SH3GLB1: variants seen among roughly 807,000 people sequenced by gnomAD.
The protein encoded by SH3GLB1 is SH3 domain containing GRB2 like, endophilin B1.
SH3GLB1 carries 17 observed loss-of-function variants against 42.0 expected under a neutral mutation model. That is an observed-to-expected ratio of 0.40 (90% CI 0.28 to 0.61). SH3GLB1 has a LOEUF of 0.61. Ranked by LOEUF, SH3GLB1 falls within the 20% of genes least tolerant of loss-of-function variation. The pLI is 0.36. For missense variants in SH3GLB1, 355 were observed against 426.3 expected (o/e 0.83, Z 1.47); for synonymous variants, 132 against 146.6 (o/e 0.90, Z 0.72).
intron 3 of SH3GLB1, among the ~76,000 whole-genome samples, chr1:86,720,082 TA>T (rs748019604): frequency 3.3e-5 from 5 of 151,346 alleles, no homozygotes; most frequent in Non-Finnish European, 4.4e-5. Flanking sequence ...GTGAGAAATA[TA>T]GGCAAATATA....
chr1:86,730,169 G>A, intron 5 of SH3GLB1: 1 of 1,548,788 alleles, frequency 6.5e-7, no homozygotes, highest in South Asian at 1.2e-5. Context: ...CGTTGATTCA[G>A]TAAATATGTA....
At chr1:86,721,864 G>T (rs1289886888) in intron 3 of SH3GLB1, among the ~76,000 whole-genome samples, 4 of 152,054 alleles carry the variant, frequency 2.6e-5, no homozygotes, top group African/African-American at 9.7e-5. Flanking sequence ...AAATGGCATA[G>T]TGTTTGCATA....
In SH3GLB1 at chr1:86,745,260, G is replaced by A. The variant is rs191719770; in HGVS notation, c.*2025G>A. On this transcript the variant is annotated 3_prime_UTR_variant, in exon 9 of 9. Coordinates refer to ENST00000370558, the MANE Select transcript of SH3GLB1 (RefSeq NM_016009.5). ...GAGGACAATAATTATGACACCATAG[G>A]GTGGTTGTGAGGATTAGCAAATGTT... 19 of 152,304 alleles carry A rather than the reference G, an allele frequency of 1.2e-4. No individual in the cohort carries two copies. The highest frequency in any genetic ancestry group is 4.3e-4 in the African/African-American group (18 of 41,556). The allele number at this position is 152,304 out of a possible 1,614,324, so 9.4% of individuals were successfully genotyped here.
At position 86,730,886 on chromosome 1, in the gene SH3GLB1, G is replaced by T. The variant is rs117264929; in HGVS notation, c.571-3716G>T. Among the ~76,000 whole-genome samples, 97 of 152,302 alleles carry T rather than the reference G, an allele frequency of 6.4e-4. No individual in the cohort carries two copies. In the East Asian group the frequency reaches 0.013, roughly 20 times the overall value. ...CCAGTCACATTAGTTGAAAATATCTGTAAAAATGTATTTTACTGCTGCATT... is the reference window on the plus strand; with the variant it reads ...CCAGTCACATTAGTTGAAAATATCTTTAAAAATGTATTTTACTGCTGCATT... On this transcript the variant is annotated intron_variant, in intron 5 of 8. Transcript: ENST00000370558.
At chr1:86,720,081 A>G (rs1223124312) in intron 3 of SH3GLB1, among the ~76,000 whole-genome samples, 2 of 151,948 alleles carry the variant, frequency 1.3e-5, no homozygotes, top group Non-Finnish European at 2.9e-5. Flanking sequence ...AGTGAGAAAT[A>G]TAGGCAAATA....
chr1:86,734,742 T>A, intron 6 of SH3GLB1, 51 bp downstream of exon 6: 1 of 1,415,896 alleles, frequency 7.1e-7, no homozygotes, highest in Non-Finnish European at 9.8e-7. Flanking sequence ...TTGGTAGTCC[T>A]AAGGCAATTT....
At chr1:86,737,448 T>C (rs1655832370) in intron 7 of SH3GLB1, among the ~76,000 whole-genome samples, 1 of 152,194 alleles carries the variant, frequency 6.6e-6, no homozygotes, top group Non-Finnish European at 1.5e-5. Context: ...TTCATATAAA[T>C]AGAGCTTTTT....
At chr1:86,740,506 A>G (rs1656005776) in intron 7 of SH3GLB1, among the ~76,000 whole-genome samples, 2 of 152,266 alleles carry the variant, frequency 1.3e-5, no homozygotes, top group South Asian at 4.1e-4. Flanking sequence ...AGCATATCTA[A>G]GAGTTATTAT....
At chr1:86,714,420 T>C (rs1654393442) in intron 1 of SH3GLB1, among the ~76,000 whole-genome samples, 2 of 152,206 alleles carry the variant, frequency 1.3e-5, no homozygotes, top group African/African-American at 4.8e-5. Context: ...TTTTTGGTTC[T>C]ACCCACTAGG....
intron 7 of SH3GLB1, among the ~76,000 whole-genome samples, chr1:86,740,169 TC>T (rs1655989346): frequency 6.7e-6 from 1 of 149,342 alleles, no homozygotes; most frequent in African/African-American, 2.5e-5. Context: ...AAAAAGGAGT[TC>T]CTGATTGTTC....
chr1:86,712,066 A>G (rs1360936435), intron 1 of SH3GLB1, among the ~76,000 whole-genome samples: 4 of 152,138 alleles, frequency 2.6e-5, no homozygotes, highest in Non-Finnish European at 5.9e-5. Flanking sequence ...GCTTCCACCA[A>G]TGATAAAATT....
At chr1:86,719,823 G>T (rs572044246) in intron 3 of SH3GLB1, among the ~76,000 whole-genome samples, 188 bp downstream of exon 3, 1 of 151,506 alleles carries the variant, frequency 6.6e-6, no homozygotes, top group Admixed American at 6.6e-5. Flanking sequence ...GTGAAACCCC[G>T]TCTCTACTAA....
chr1:86,719,995 C>CAA (rs570115346), intron 3 of SH3GLB1, among the ~76,000 whole-genome samples: 7,527 of 61,326 alleles, frequency 0.12, 687 homozygotes, highest in African/African-American at 0.18. Context: ...GACTCTGTCT[C>CAA]AAAAAAAAAA....
intron 5 of SH3GLB1, among the ~76,000 whole-genome samples, chr1:86,724,871 C>CT (rs1187668482): frequency 4.1e-5 from 3 of 72,760 alleles, no homozygotes; most frequent in Non-Finnish European, 7.0e-5. Context: ...CAGACCCTGT[C>CT]TTTAAAAAAA....
At chr1:86,732,161 A>G (rs1192617451) in intron 5 of SH3GLB1, among the ~76,000 whole-genome samples, 1 of 152,240 alleles carries the variant, frequency 6.6e-6, no homozygotes, top group Non-Finnish European at 1.5e-5. Flanking sequence ...AACACTGATC[A>G]AGATAGTCAC....
intron 4 of SH3GLB1, among the ~76,000 whole-genome samples, chr1:86,722,881 T>C (rs758866640): frequency 8.5e-5 from 13 of 152,328 alleles, no homozygotes; most frequent in South Asian, 4.1e-4. Context: ...TACAGTGTTA[T>C]TGAGATGCCT....
At chr1:86,711,763 G>C (rs572110855) in intron 1 of SH3GLB1, among the ~76,000 whole-genome samples, 1 of 151,962 alleles carries the variant, frequency 6.6e-6, no homozygotes, top group Admixed American at 6.6e-5. Flanking sequence ...AGAATTAATA[G>C]GTCTTTTGCC....
intron 5 of SH3GLB1, among the ~76,000 whole-genome samples, chr1:86,726,672 G>T (rs74097423): frequency 0.021 from 3,212 of 151,940 alleles, 52 homozygotes; most frequent in African/African-American, 0.039. Flanking sequence ...GATTTTAATT[G>T]TATTTTTCCC....
chr1:86,709,641 C>CAAA (rs1654084386), intron 1 of SH3GLB1, among the ~76,000 whole-genome samples: 2 of 152,140 alleles, frequency 1.3e-5, no homozygotes, highest in Admixed American at 1.3e-4. Flanking sequence ...AAACCTTGCT[C>CAAA]ACCATCATTA....
Sources: allele counts gnomAD v4.1 joint callset (sites outside exome capture counted in the v4.1 genomes callset), GRCh38; gene constraint gnomAD v4.1.1; transcripts MANE v1.5; gene names NCBI Gene and HGNC (gene_info 2026-07-23, HGNC 2026-07-21).